The following PPM1L variants were observed in gnomAD, a reference collection of about 807,000 sequenced individuals.
PPM1L encodes the protein protein phosphatase, Mg2+/Mn2+ dependent 1L, also known as protein phosphatase 1L.
In PPM1L, 13 loss-of-function variants were observed where a neutral mutation model predicts 31.4. That is an observed-to-expected ratio of 0.41 (90% CI 0.27 to 0.66). The LOEUF (loss-of-function observed/expected upper bound fraction) is 0.66. PPM1L is among the 30% of genes least tolerant of loss of function. The pLI, the probability that PPM1L is intolerant of heterozygous loss-of-function variation, is 0.29. For missense variants in PPM1L, 326 were observed against 453.7 expected, an observed-to-expected ratio of 0.72 and a Z score of 2.56; for synonymous variants, 184 against 175.4, an observed-to-expected ratio of 1.05 and a Z score of -0.39.
intron 1 of PPM1L, among the ~76,000 whole-genome samples, chr3:160,781,232 G>A (rs1215617245): frequency 2.0e-5 from 3 of 152,114 alleles, no homozygotes; most frequent in Non-Finnish European, 4.4e-5. Flanking sequence ...AGCGACTCAT[G>A]GCTTTTTGTA....
intron 1 of PPM1L, among the ~76,000 whole-genome samples, chr3:160,808,327 A>G (rs73015484): frequency 0.12 from 11,573 of 93,960 alleles, 1,048 homozygotes; most frequent in African/African-American, 0.29. Flanking sequence ...GTGTGCGTGC[A>G]TGTGTGGTGG....
intron 2 of PPM1L, 40 bp from the exon 3 acceptor site, chr3:161,065,363 C>A (rs767840401): frequency 6.9e-6 from 11 of 1,599,168 alleles, no homozygotes; most frequent in Non-Finnish European, 9.4e-6. Flanking sequence ...CCTGAATGCA[C>A]TGCTGACCTC....
chr3:160,935,723 C>G (rs1054473583), intron 1 of PPM1L, among the ~76,000 whole-genome samples: 4 of 152,340 alleles, frequency 2.6e-5, no homozygotes, highest in Admixed American at 6.5e-5. Context: ...AGGTCATTAA[C>G]TCGTTGATAT....
chr3:160,977,490 T>G (rs1489539232), intron 2 of PPM1L, among the ~76,000 whole-genome samples: 1 of 152,254 alleles, frequency 6.6e-6, no homozygotes, highest in Non-Finnish European at 1.5e-5. Context: ...TCTATGAATC[T>G]ATTTTCTAGA....
rs1553808362 is a variant in PPM1L at position 160,808,416 on chromosome 3, T to TGTGTGTGTGTGTGTGTGCGTGC, written c.399+51716_399+51717insTGTGTGTGTGCGTGCGTGTGTG. Among the ~76,000 whole-genome samples, 34 of 129,310 alleles carry TGTGTGTGTGTGTGTGTGCGTGC rather than the reference T, an allele frequency of 2.6e-4. 2 individuals are homozygous for TGTGTGTGTGTGTGTGTGCGTGC. The highest frequency in any genetic ancestry group is 8.0e-4 in the African/African-American group (25 of 31,224). The allele number at this position is 129,310 out of a possible 152,430, so 84.8% of individuals were successfully genotyped here. A position where few individuals can be genotyped will look rare whatever the true frequency, so the allele number is the denominator to read the frequency against. The stretch of plus-strand genomic sequence containing the variant: ...GTGTGTGTGTGTGTGTGTGTGTGTG[T>TGTGTGTGTGTGTGTGTGCGTGC]GTGTGTGGTGGGTGAGGGAAGCTGG... On this transcript the variant is annotated intron_variant, in intron 1 of 3. Transcript: ENST00000498165.
intron 1 of PPM1L, among the ~76,000 whole-genome samples, chr3:160,773,927 A>T (rs1279391426): frequency 6.6e-6 from 1 of 151,854 alleles, no homozygotes; most frequent in East Asian, 1.9e-4. Flanking sequence ...CACTTCCTTC[A>T]TGAGTCTGGG....
rs753887060 is a variant in PPM1L at position 161,072,654 on chromosome 3, T to C, written c.*3497T>C. 1.3e-5 allele frequency: 2 copies of C among 152,202 alleles called. No individual in the cohort carries two copies. Among genetic ancestry groups the C allele is most frequent in the Non-Finnish European group, 2.9e-5 (2 of 68,032 alleles). 9.4% of individuals were successfully genotyped at this position (152,202 alleles called of 1,614,324 possible). A position where few individuals can be genotyped will look rare whatever the true frequency, so the allele number is the denominator to read the frequency against. ...GTGTTTAATTTGACCACAGAAACTT[T>C]TTTGAGTAGCACCTAGTAACATTGC... On this transcript the variant is annotated 3_prime_UTR_variant, in exon 4 of 4. Transcript: ENST00000498165.
At chr3:160,944,773 ATATATTATAT>A (rs1179643994) in intron 1 of PPM1L, among the ~76,000 whole-genome samples, 2 of 68,878 alleles carry the variant, frequency 2.9e-5, no homozygotes, top group South Asian at 7.0e-4. Context: ...ATAACATGTT[ATATATTATAT>A]TATATATGTT....
intron 2 of PPM1L, among the ~76,000 whole-genome samples, chr3:160,982,388 ACT>A (rs1716829266): frequency 6.6e-6 from 1 of 151,666 alleles, no homozygotes; most frequent in Admixed American, 6.6e-5. Context: ...TTAAGGCATG[ACT>A]CTCTGGATAG....
rs1720125709 is a variant in PPM1L, at chr3:161,077,058, T to C, written c.*7901T>C. The C allele has an allele frequency of 6.6e-6, 1 of 152,224 alleles. No homozygotes were observed. The highest frequency in any genetic ancestry group is 1.5e-5 in the Non-Finnish European group (1 of 68,044). 9.4% of individuals were successfully genotyped at this position (152,224 alleles called of 1,614,324 possible). A position where few individuals can be genotyped will look rare whatever the true frequency, so the allele number is the denominator to read the frequency against. On this transcript the variant is annotated 3_prime_UTR_variant, in exon 4 of 4. Coordinates refer to ENST00000498165, the MANE Select transcript of PPM1L (RefSeq NM_139245.4). ...ATGGTGAGCACTCAGGCGCCATCAC[T>C]GCCTTCTTGGGGCTTACACCCTATT...
intron 1 of PPM1L, among the ~76,000 whole-genome samples, chr3:160,925,114 T>A (rs1196800057): frequency 1.3e-5 from 2 of 152,206 alleles, no homozygotes; most frequent in Non-Finnish European, 2.9e-5. Flanking sequence ...ATCATTGAAA[T>A]CAGCTTCTAG....
chr3:160,796,326 A>G (rs979130145), intron 1 of PPM1L, among the ~76,000 whole-genome samples: 13 of 152,186 alleles, frequency 8.5e-5, no homozygotes, highest in Non-Finnish European at 1.6e-4. Flanking sequence ...GGGGCAGGGT[A>G]GAATGAGCTG....
intron 1 of PPM1L, among the ~76,000 whole-genome samples, chr3:160,855,620 C>T (rs1576672650): frequency 1.3e-5 from 2 of 152,172 alleles, no homozygotes; most frequent in South Asian, 2.1e-4. Flanking sequence ...ATAAAAAATG[C>T]TCAACATCAC....
chr3:160,760,782 A>G (rs953802709), intron 1 of PPM1L, among the ~76,000 whole-genome samples: 1 of 151,890 alleles, frequency 6.6e-6, no homozygotes, highest in Non-Finnish European at 1.5e-5. Context: ...ACCTCTATCA[A>G]TGTTCATGGC....
At chr3:160,814,186 T>C (rs1712895750) in intron 1 of PPM1L, among the ~76,000 whole-genome samples, 1 of 152,120 alleles carries the variant, frequency 6.6e-6, no homozygotes, top group Admixed American at 6.5e-5. Context: ...TTCATTGCCT[T>C]CCCCTCATCT....
intron 1 of PPM1L, among the ~76,000 whole-genome samples, chr3:160,816,543 T>C (rs1248297811): frequency 6.6e-6 from 1 of 151,834 alleles, no homozygotes; most frequent in Non-Finnish European, 1.5e-5. Context: ...TAGTTTGATG[T>C]TGAAAAATTT....
At chr3:160,760,085 T>A (rs1714929783) in intron 1 of PPM1L, among the ~76,000 whole-genome samples, 1 of 152,198 alleles carries the variant, frequency 6.6e-6, no homozygotes, top group African/African-American at 2.4e-5. Context: ...TGAAGATGTA[T>A]GTAGTGCAGG....
intron 2 of PPM1L, among the ~76,000 whole-genome samples, chr3:161,035,559 A>C (rs1006046723): frequency 1.7e-4 from 26 of 152,336 alleles, no homozygotes; most frequent in African/African-American, 6.0e-4. Context: ...AATGACTAAA[A>C]AGAATAGGAG....
At chr3:160,964,226 A>G (rs760163389) in intron 2 of PPM1L, among the ~76,000 whole-genome samples, 3 of 151,948 alleles carry the variant, frequency 2.0e-5, no homozygotes, top group Non-Finnish European at 4.4e-5. Flanking sequence ...AAATTAGCAT[A>G]AAACGTTTGA....
Sources: allele counts gnomAD v4.1 joint callset (sites outside exome capture counted in the v4.1 genomes callset), GRCh38; gene constraint gnomAD v4.1.1; transcripts MANE v1.5; gene names NCBI Gene and HGNC (gene_info 2026-07-23, HGNC 2026-07-21).